EFL1: variants seen among roughly 807,000 people sequenced by gnomAD.
EFL1 encodes the protein elongation factor like GTPase 1.
Under a neutral mutation model 126.7 loss-of-function variants are expected in EFL1, and 76 were observed. The observed-to-expected ratio is 0.60, with a 90% CI of 0.50 to 0.73. EFL1 has a LOEUF of 0.73. Among genes scored for constraint, EFL1 ranks in the 30% least tolerant of loss-of-function variants. The probability of loss-of-function intolerance (pLI) is 0.00; values close to 1 mark genes in which losing one functional copy is unlikely to be tolerated. For missense variants in EFL1, 1,128 were observed against 1,343.2 expected (o/e 0.84, Z 2.50); for synonymous variants, 410 against 448.4 (o/e 0.91, Z 1.08).
chr15:82,187,268 T>C (rs1229213471), intron 15 of EFL1, among the ~76,000 whole-genome samples: 1 of 152,162 alleles, frequency 6.6e-6, no homozygotes, highest in Non-Finnish European at 1.5e-5. Context: ...CGAAAACAAA[T>C]ATTGTAAAAT....
chr15:82,133,253 T>C (rs1282661200), intron 19 of EFL1, among the ~76,000 whole-genome samples: 2 of 152,220 alleles, frequency 1.3e-5, no homozygotes, highest in Non-Finnish European at 2.9e-5. Context: ...CCAGCCCTAC[T>C]TGCTTAAACA....
chr15:82,227,280 T>C (rs2074773688), intron 11 of EFL1, among the ~76,000 whole-genome samples, 170 bp downstream of exon 11: 1 of 152,068 alleles, frequency 6.6e-6, no homozygotes, highest in Admixed American at 6.5e-5. Context: ...GGGGTGAGGG[T>C]GGGAGGCAAA....
At chr15:82,153,418 A>C (rs1270656380) in intron 17 of EFL1, among the ~76,000 whole-genome samples, 1 of 152,216 alleles carries the variant, frequency 6.6e-6, no homozygotes, top group Non-Finnish European at 1.5e-5. Flanking sequence ...ATAAAATCTA[A>C]GATAAAATAA....
At chr15:82,250,991 C>A (rs1451622916) in intron 4 of EFL1, among the ~76,000 whole-genome samples, 6 of 152,178 alleles carry the variant, frequency 3.9e-5, no homozygotes, top group African/African-American at 1.2e-4. Flanking sequence ...GCGGGCGGAT[C>A]ACCTGCGGTC....
At chr15:82,205,476 T>C (rs1207408465) in intron 15 of EFL1, among the ~76,000 whole-genome samples, 1 of 152,130 alleles carries the variant, frequency 6.6e-6, no homozygotes, top group Non-Finnish European at 1.5e-5. Context: ...TTGCATCTTT[T>C]ATCTTTCCTC....
At chr15:82,160,987 T>C (rs924431670) in intron 16 of EFL1, among the ~76,000 whole-genome samples, 3 of 152,202 alleles carry the variant, frequency 2.0e-5, no homozygotes, top group Non-Finnish European at 4.4e-5. Context: ...TAATAATTGC[T>C]TTGGAACATT....
chr15:82,155,710 T>G (rs1163327769), intron 17 of EFL1, among the ~76,000 whole-genome samples: 9 of 152,200 alleles, frequency 5.9e-5, no homozygotes, highest in African/African-American at 2.4e-5. Context: ...TGTGGGTGAA[T>G]TCTTGTTGTT....
chr15:82,247,777 A>C (rs2074986422), intron 4 of EFL1, among the ~76,000 whole-genome samples: 1 of 152,102 alleles, frequency 6.6e-6, no homozygotes, highest in Admixed American at 6.6e-5. Context: ...TGGGAAATTG[A>C]AAGAGGGTGT....
intron 19 of EFL1, among the ~76,000 whole-genome samples, chr15:82,134,661 A>C (rs887675841): frequency 4.6e-5 from 7 of 152,252 alleles, no homozygotes; most frequent in African/African-American, 1.7e-4. Context: ...ACCCGGTATG[A>C]ACTTTAGCCC....
At chr15:82,214,558 T>G (rs1320800482) in intron 15 of EFL1, among the ~76,000 whole-genome samples, 159 bp downstream of exon 15, 1 of 152,154 alleles carries the variant, frequency 6.6e-6, no homozygotes, top group African/African-American at 2.4e-5. Flanking sequence ...CTGATCTCCA[T>G]GTGAGTTACT....
chr15:82,180,179 C>G (rs2074234799), intron 15 of EFL1, among the ~76,000 whole-genome samples: 2 of 152,048 alleles, frequency 1.3e-5, no homozygotes, highest in Admixed American at 1.3e-4. Flanking sequence ...TCTCTTAACT[C>G]TTCCCCGTCC....
At chr15:82,262,054 G>C (rs1426603100) in intron 1 of EFL1, 7 of 353,930 alleles carry the variant, frequency 2.0e-5, no homozygotes, top group Admixed American at 4.4e-5. Flanking sequence ...CGCAGCTCGA[G>C]GGGACTGGGT....
chr15:82,222,021 C>T (rs2074717312), intron 12 of EFL1, among the ~76,000 whole-genome samples: 1 of 152,194 alleles, frequency 6.6e-6, no homozygotes, highest in Non-Finnish European at 1.5e-5. Context: ...TTGCTAAAAA[C>T]TCATAAGAAT....
chr15:82,248,022 C>T (rs1451811855), intron 4 of EFL1, among the ~76,000 whole-genome samples: 1 of 152,072 alleles, frequency 6.6e-6, no homozygotes, highest in African/African-American at 2.4e-5. Flanking sequence ...TCTAGGACTA[C>T]TACCACATGC....
chr15:82,243,564 T>C (rs369495678), intron 4 of EFL1, among the ~76,000 whole-genome samples: 23,472 of 54,564 alleles, frequency 0.43, 5,716 homozygotes, highest in African/African-American at 0.49. Context: ...CAAGCACTTT[T>C]CCATCCTTTG....
intron 2 of EFL1, among the ~76,000 whole-genome samples, chr15:82,259,374 C>A (rs1023498728): frequency 1.3e-5 from 2 of 152,206 alleles, no homozygotes; most frequent in Admixed American, 6.5e-5. Context: ...TTATCTCCAA[C>A]CCTGTGGATC....
intron 18 of EFL1, among the ~76,000 whole-genome samples, chr15:82,139,618 C>A (rs538041217): frequency 1.3e-5 from 2 of 152,196 alleles, no homozygotes; most frequent in African/African-American, 4.8e-5. Context: ...GGAGAACAGA[C>A]CCTGCAAAGA....
At chr15:82,240,997 C>A (rs1464933855) in intron 5 of EFL1, among the ~76,000 whole-genome samples, 1 of 152,150 alleles carries the variant, frequency 6.6e-6, no homozygotes, top group East Asian at 1.9e-4. Flanking sequence ...TTGCAGTAAG[C>A]CAAGATCATG....
intron 7 of EFL1, among the ~76,000 whole-genome samples, chr15:82,236,191 T>C (rs1289281792): frequency 1.3e-5 from 2 of 152,092 alleles, no homozygotes; most frequent in Non-Finnish European, 2.9e-5. Context: ...AGGAGAGGCA[T>C]AGTGTTCATG....
Sources: gnomAD v4.1 joint callset for allele counts (sites outside exome capture counted in the v4.1 genomes callset) on GRCh38, gnomAD v4.1.1 for gene constraint, MANE v1.5 for transcripts, NCBI Gene and HGNC (gene_info 2026-07-23, HGNC 2026-07-21) for gene names.